The following RNGTT variants were observed in gnomAD, a reference collection of about 807,000 sequenced individuals.
The protein encoded by RNGTT is RNA guanylyltransferase and 5'-phosphatase.
In RNGTT, 33 loss-of-function variants were observed where a neutral mutation model predicts 79.3. That is an observed-to-expected ratio of 0.42 (90% CI 0.32 to 0.56). RNGTT has a LOEUF of 0.56. Among genes scored for constraint, RNGTT ranks in the 20% least tolerant of loss-of-function variants. RNGTT has a pLI of 0.17. For synonymous variants in RNGTT, 222 were observed against 235.9 expected (o/e 0.94, Z 0.54); for missense variants, 497 against 739.1 (o/e 0.67, Z 3.80).
chr6:88,804,455 C>T lies in RNGTT; in HGVS notation c.1270-2823G>A, dbSNP rs116411777. On this transcript the variant is annotated intron_variant, in intron 11 of 15. Transcript: ENST00000369485. ...GCCAGGAGTTCAAGACCAACCTGGC[C>T]AACACAGCAAGACCCCATTTGTATA... Among the ~76,000 whole-genome samples, 429 of 151,786 alleles carry T rather than the reference C, an allele frequency of 2.8e-3. 3 individuals are homozygous for T. Among genetic ancestry groups the T allele is most frequent in the African/African-American group, 9.9e-3 (410 of 41,366 alleles).
chr6:88,784,941 TAAAG>T (rs780528148), intron 12 of RNGTT, among the ~76,000 whole-genome samples: 100 of 152,118 alleles, frequency 6.6e-4, no homozygotes, highest in Non-Finnish European at 1.2e-3. Context: ...TCTATATATA[TAAAG>T]AAACTGGGAA....
chr6:88,963,597 G>C lies in RNGTT; in HGVS notation c.-188C>G, dbSNP rs1327892419. 5 of 519,252 alleles carry C rather than the reference G, an allele frequency of 9.6e-6. No individual in the cohort carries two copies. Among genetic ancestry groups the C allele is most frequent in the South Asian group, 5.5e-5 (2 of 36,092 alleles). 32.2% of individuals were successfully genotyped at this position (519,252 alleles called of 1,614,324 possible). On this transcript the variant is annotated 5_prime_UTR_variant, in exon 1 of 16. Coordinates refer to ENST00000369485, the MANE Select transcript of RNGTT (RefSeq NM_003800.5). ...ACTTTCATTCAGGATCAACTCCACA[G>C]CTCCAGGAGAACCCACAATGCACCG...
At chr6:88,691,821 G>A (rs1311378160) in intron 13 of RNGTT, among the ~76,000 whole-genome samples, 1 of 152,082 alleles carries the variant, frequency 6.6e-6, no homozygotes, top group African/African-American at 2.4e-5. Flanking sequence ...CAGTAAGAGA[G>A]ACAGATTGAC....
rs370176653 is a variant in RNGTT, at chr6:88,963,494, G to T, written c.-85C>A. The T allele has an allele frequency of 8.0e-5, 107 of 1,336,980 alleles. 1 individual carries two copies. The African/African-American group carries it at 1.5e-3, about 19-fold the overall frequency. The allele number at this position is 1,336,980 out of a possible 1,614,324, so 82.8% of individuals were successfully genotyped here. Reference sequence around the variant, plus strand: ...CCTCCCCGTGGTCCGGTGCACACCGGGGTCCGAGACACCCGAATCGCAGCC... The same window carrying T: ...CCTCCCCGTGGTCCGGTGCACACCGTGGTCCGAGACACCCGAATCGCAGCC... On this transcript the variant is annotated 5_prime_UTR_variant, in exon 1 of 16. Coordinates refer to ENST00000369485, the MANE Select transcript of RNGTT (RefSeq NM_003800.5).
intron 14 of RNGTT, among the ~76,000 whole-genome samples, chr6:88,624,148 T>C (rs552160370): frequency 6.7e-4 from 102 of 152,048 alleles, no homozygotes; most frequent in Admixed American, 4.0e-3. Flanking sequence ...AAAGATTCAA[T>C]ATTGTAAAGA....
intron 14 of RNGTT, among the ~76,000 whole-genome samples, chr6:88,660,290 A>G (rs1344332016): frequency 1.3e-5 from 2 of 152,216 alleles, no homozygotes; most frequent in African/African-American, 4.8e-5. Context: ...TGAATAGAAC[A>G]GTACCTCACA....
At chr6:88,918,328 GCAAA>G (rs1250554630) in intron 4 of RNGTT, among the ~76,000 whole-genome samples, 2 of 151,944 alleles carry the variant, frequency 1.3e-5, no homozygotes, top group African/African-American at 4.8e-5. Context: ...GTCTTAAAAA[GCAAA>G]CAAACAAAAA....
intron 8 of RNGTT, among the ~76,000 whole-genome samples, chr6:88,868,869 TTTCTATA>T (rs1782266238): frequency 6.6e-6 from 1 of 152,162 alleles, no homozygotes; most frequent in Non-Finnish European, 1.5e-5. Flanking sequence ...TCTCATGTTA[TTTCTATA>T]GAACAATGAA....
At chr6:88,623,280 AT>A (rs1262437015) in intron 14 of RNGTT, among the ~76,000 whole-genome samples, 2 of 152,144 alleles carry the variant, frequency 1.3e-5, no homozygotes, top group Non-Finnish European at 2.9e-5. Context: ...AAGCCTTTGA[AT>A]GGGGTCCCAC....
intron 8 of RNGTT, among the ~76,000 whole-genome samples, chr6:88,867,159 C>T (rs929371643): frequency 6.6e-5 from 10 of 152,074 alleles, no homozygotes; most frequent in African/African-American, 2.4e-4. Flanking sequence ...AACCTCAAGC[C>T]ACCCTTAACA....
intron 13 of RNGTT, among the ~76,000 whole-genome samples, chr6:88,748,372 T>C (rs1777734667): frequency 6.6e-6 from 1 of 152,040 alleles, no homozygotes; most frequent in Non-Finnish European, 1.5e-5. Flanking sequence ...ACAGGATCTT[T>C]TGCTCCAGCT....
chr6:88,945,888 T>C (rs1784992342), intron 1 of RNGTT, among the ~76,000 whole-genome samples: 1 of 152,154 alleles, frequency 6.6e-6, no homozygotes. Flanking sequence ...ATGTTTAAGA[T>C]GACAGCATCA....
At chr6:88,646,509 A>T (rs1379859285) in intron 14 of RNGTT, among the ~76,000 whole-genome samples, 1 of 152,194 alleles carries the variant, frequency 6.6e-6, no homozygotes, top group Non-Finnish European at 1.5e-5. Flanking sequence ...ACCCAAAGGA[A>T]TATAAATCAT....
At chr6:88,724,647 C>T (rs1776824367) in intron 13 of RNGTT, among the ~76,000 whole-genome samples, 1 of 152,196 alleles carries the variant, frequency 6.6e-6, no homozygotes, top group Non-Finnish European at 1.5e-5. Flanking sequence ...ACGTGCAGTT[C>T]ATAATAGAGT....
At chr6:88,951,044 A>G (rs900536125) in intron 1 of RNGTT, among the ~76,000 whole-genome samples, 1 of 152,046 alleles carries the variant, frequency 6.6e-6, no homozygotes, top group African/African-American at 2.4e-5. Context: ...CTTTTAGTAG[A>G]GATGCAGTTT....
At chr6:88,731,014 T>C (rs1231773956) in intron 13 of RNGTT, among the ~76,000 whole-genome samples, 1 of 152,108 alleles carries the variant, frequency 6.6e-6, no homozygotes, top group Admixed American at 6.5e-5. Flanking sequence ...CATAGGATTG[T>C]AGAACACTTC....
intron 11 of RNGTT, among the ~76,000 whole-genome samples, chr6:88,834,864 TA>T (rs1003491732): frequency 7.7e-6 from 1 of 130,648 alleles, no homozygotes; most frequent in Non-Finnish European, 1.7e-5. Flanking sequence ...TACATAAACA[TA>T]AAATTTAAAT....
chr6:88,679,316 C>A (rs1775000072), intron 13 of RNGTT, among the ~76,000 whole-genome samples: 1 of 152,162 alleles, frequency 6.6e-6, no homozygotes, highest in Non-Finnish European at 1.5e-5. Flanking sequence ...TGGGATTAGC[C>A]TCACTCAAAG....
chr6:88,736,343 C>T (rs938789532), intron 13 of RNGTT, among the ~76,000 whole-genome samples: 1 of 152,024 alleles, frequency 6.6e-6, no homozygotes, highest in Non-Finnish European at 1.5e-5. Context: ...ACCTTAATAC[C>T]AAAATCAGAT....
Sources: allele counts gnomAD v4.1 joint callset (sites outside exome capture counted in the v4.1 genomes callset), GRCh38; gene constraint gnomAD v4.1.1; transcripts MANE v1.5; gene names NCBI Gene and HGNC (gene_info 2026-07-23, HGNC 2026-07-21).